VWA8: variants seen among roughly 807,000 people sequenced by gnomAD.
The protein encoded by VWA8 is von Willebrand factor A domain containing 8.
In VWA8, 221 loss-of-function variants were observed where a neutral mutation model predicts 241.5. The ratio of observed to expected loss-of-function variants is 0.91; its 90% confidence interval spans 0.82 to 1.02. VWA8 has a LOEUF of 1.02. VWA8 is among the 50% of genes least tolerant of loss of function. The pLI is 0.00. For missense variants in VWA8, 2,322 were observed against 2,328.7 expected, an observed-to-expected ratio of 1.00 and a Z score of 0.06; for synonymous variants, 852 against 827.1, an observed-to-expected ratio of 1.03 and a Z score of -0.52.
chr13:41,764,418 T>C (rs1277480155), intron 20 of VWA8, among the ~76,000 whole-genome samples: 7 of 152,178 alleles, frequency 4.6e-5, no homozygotes, highest in Admixed American at 4.6e-4. Flanking sequence ...CTAGTTGAGC[T>C]GGATATAATG....
At chr13:41,814,869 C>A (rs1279637545) in intron 16 of VWA8, among the ~76,000 whole-genome samples, 2 of 152,012 alleles carry the variant, frequency 1.3e-5, no homozygotes, top group Non-Finnish European at 2.9e-5. Flanking sequence ...AAAGAAAAAA[C>A]CCCTGCAATC....
intron 7 of VWA8, 97 bp downstream of exon 7, chr13:41,886,684 T>C (rs1874554964): frequency 2.9e-6 from 3 of 1,018,614 alleles, no homozygotes; most frequent in Admixed American, 2.6e-5. Flanking sequence ...ATAAGAATTC[T>C]AGTTGTTGAA....
At chr13:41,852,990 T>C (rs547765037) in intron 12 of VWA8, among the ~76,000 whole-genome samples, 3 of 152,278 alleles carry the variant, frequency 2.0e-5, no homozygotes, top group African/African-American at 7.2e-5. Context: ...AAAATGTCAT[T>C]GGAATTTTGG....
chr13:41,567,902 A>T lies in VWA8; in HGVS notation c.*295T>A. The T allele has an allele frequency of 3.6e-6, 1 of 276,506 alleles. No individual in the cohort carries two copies. The highest frequency in any genetic ancestry group is 6.6e-5 in the East Asian group (1 of 15,046). The allele number at this position is 276,506 out of a possible 1,614,324, so 17.1% of individuals were successfully genotyped here. On this transcript the variant is annotated 3_prime_UTR_variant, in exon 45 of 45. Transcript: ENST00000379310. ...CCTCAGGTTTTTGGAAATAGACCAA[A>T]CACATAGTTCTCAAAACCACCTTCC...
intron 4 of VWA8, among the ~76,000 whole-genome samples, chr13:41,897,926 G>A (rs916581644): frequency 2.0e-5 from 3 of 152,168 alleles, no homozygotes; most frequent in Admixed American, 6.5e-5. Flanking sequence ...TGGTAGAGCC[G>A]AGTGGTCTGT....
At chr13:41,944,842 T>C (rs199936459) in intron 2 of VWA8, among the ~76,000 whole-genome samples, 2 of 142,828 alleles carry the variant, frequency 1.4e-5, no homozygotes, top group Admixed American at 6.9e-5. Flanking sequence ...AAATCAACAA[T>C]TGTTTAACAT....
At chr13:41,664,513 TA>T (rs2044973917) in intron 37 of VWA8, among the ~76,000 whole-genome samples, 1 of 151,694 alleles carries the variant, frequency 6.6e-6, no homozygotes. Context: ...TGAGTCTAAG[TA>T]AAAAAAGCAG....
At chr13:41,896,664 T>A (rs981211502) in intron 4 of VWA8, among the ~76,000 whole-genome samples, 2 of 152,158 alleles carry the variant, frequency 1.3e-5, no homozygotes, top group African/African-American at 4.8e-5. Flanking sequence ...CAAAAATATA[T>A]ATTCAACTTC....
intron 2 of VWA8, among the ~76,000 whole-genome samples, chr13:41,946,149 G>A (rs1877839897): frequency 6.8e-6 from 1 of 146,318 alleles, no homozygotes; most frequent in South Asian, 2.1e-4. Flanking sequence ...TGTCAACCAA[G>A]AATTCTATTT....
chr13:41,961,048 G>A lies in VWA8; in HGVS notation c.-33C>T. 1 of 1,356,136 alleles carries A rather than the reference G, an allele frequency of 7.4e-7. No homozygotes were observed. The allele number at this position is 1,356,136 out of a possible 1,614,324, so 84.0% of individuals were successfully genotyped here. A position where few individuals can be genotyped will look rare whatever the true frequency, so the allele number is the denominator to read the frequency against. On this transcript the variant is annotated 5_prime_UTR_variant, in exon 1 of 45. Coordinates refer to ENST00000379310, the MANE Select transcript of VWA8 (RefSeq NM_015058.2). ...GGGGGGCTGTCGGGGACGGCGAGGGGGCTCGGGGATCGAGCGGCGTCCCGT... is the reference window on the plus strand; with the variant it reads ...GGGGGGCTGTCGGGGACGGCGAGGGAGCTCGGGGATCGAGCGGCGTCCCGT...
rs113456923 is a variant in VWA8 at position 41,759,369 on chromosome 13, T to A, written c.2426+1759A>T. On this transcript the variant is annotated intron_variant, in intron 21 of 44. Coordinates refer to ENST00000379310, the MANE Select transcript of VWA8 (RefSeq NM_015058.2). ...GTAATTTTAAAGATTTTTCTCTTGG[T>A]TTTTAGCAATTTGATTATATGCTAT... Among the ~76,000 whole-genome samples the A allele has an allele frequency of 6.1e-3, 930 of 151,842 alleles. 8 individuals carry two copies. Among genetic ancestry groups the A allele is most frequent in the African/African-American group, 0.021 (888 of 41,508 alleles).
intron 14 of VWA8, among the ~76,000 whole-genome samples, chr13:41,826,817 T>A (rs1871191843): frequency 6.6e-6 from 1 of 152,010 alleles, no homozygotes; most frequent in African/African-American, 2.4e-5. Flanking sequence ...AAGGCTGCAG[T>A]GAGCCGAGAT....
chr13:41,651,019 C>T (rs1304975856), intron 37 of VWA8, among the ~76,000 whole-genome samples: 4 of 152,170 alleles, frequency 2.6e-5, no homozygotes, highest in African/African-American at 9.7e-5. Context: ...TTTGCTTTGT[C>T]ACTCATAAAA....
intron 1 of VWA8, among the ~76,000 whole-genome samples, chr13:41,952,458 C>T (rs1398436460): frequency 1.3e-5 from 2 of 152,146 alleles, no homozygotes; most frequent in African/African-American, 4.8e-5. Context: ...GTGATATTAT[C>T]TACTGGCTTT....
At chr13:41,840,690 T>C (rs1871957020) in intron 12 of VWA8, among the ~76,000 whole-genome samples, 1 of 149,088 alleles carries the variant, frequency 6.7e-6, no homozygotes, top group South Asian at 2.1e-4. Context: ...GGCCAGGAGG[T>C]GGAGGCTGCA....
intron 4 of VWA8, among the ~76,000 whole-genome samples, chr13:41,902,533 ATTTG>A (rs1875506415): frequency 1.3e-5 from 2 of 152,298 alleles, no homozygotes; most frequent in South Asian, 4.1e-4. Context: ...TTTTTGGTTT[ATTTG>A]TTCACTGCAT....
At chr13:41,761,042 T>G in intron 21 of VWA8, 86 bp downstream of exon 21, 1 of 1,371,018 alleles carries the variant, frequency 7.3e-7, no homozygotes, top group Non-Finnish European at 1.0e-6. Flanking sequence ...AAAATGGGCC[T>G]CTAAGAAAGT....
At chr13:41,799,067 G>A (rs375390575) in intron 17 of VWA8, among the ~76,000 whole-genome samples, 2 of 151,858 alleles carry the variant, frequency 1.3e-5, no homozygotes, top group African/African-American at 2.4e-5. Flanking sequence ...TTAATTCCTC[G>A]TAAGTTTTAA....
intron 2 of VWA8, among the ~76,000 whole-genome samples, chr13:41,948,945 G>GA (rs1204653028): frequency 2.3e-5 from 3 of 131,308 alleles, no homozygotes; most frequent in Admixed American, 1.8e-4. Context: ...CTCTTCATGA[G>GA]AAAAAAAATA....
Sources: allele counts gnomAD v4.1 joint callset (sites outside exome capture counted in the v4.1 genomes callset), GRCh38; gene constraint gnomAD v4.1.1; transcripts MANE v1.5; gene names NCBI Gene and HGNC (gene_info 2026-07-23, HGNC 2026-07-21).